Variants in RPTOR observed in about 807,000 individuals in gnomAD.
The protein encoded by RPTOR is regulatory-associated protein of mTOR.
In RPTOR, 21 loss-of-function variants were observed where a neutral mutation model predicts 169.9. The ratio of observed to expected loss-of-function variants is 0.12; its 90% confidence interval spans 0.09 to 0.18. RPTOR has a LOEUF of 0.18. RPTOR is among the 10% of genes least tolerant of loss of function. The probability of loss-of-function intolerance (pLI) is 1.00; values close to 1 mark genes in which losing one functional copy is unlikely to be tolerated. For missense variants in RPTOR, 1,133 were observed against 1,855.9 expected, an observed-to-expected ratio of 0.61 and a Z score of 7.16; for synonymous variants, 732 against 753.2, an observed-to-expected ratio of 0.97 and a Z score of 0.46.
At chr17:80,761,022 T>C (rs2066732017) in intron 6 of RPTOR, among the ~76,000 whole-genome samples, 1 of 152,252 alleles carries the variant, frequency 6.6e-6, no homozygotes, top group Admixed American at 6.5e-5. Flanking sequence ...TTTTTCATTT[T>C]TGGAAACTGA....
chr17:80,546,705 T>C (rs574689371), intron 1 of RPTOR, among the ~76,000 whole-genome samples: 1 of 152,336 alleles, frequency 6.6e-6, no homozygotes, highest in African/African-American at 2.4e-5. Flanking sequence ...TAGGCTTATG[T>C]ATATGTTTAT....
At chr17:80,945,424 C>T (rs1298634224) in intron 25 of RPTOR, 2 of 324,774 alleles carry the variant, frequency 6.2e-6, no homozygotes, top group Non-Finnish European at 1.1e-5. Flanking sequence ...AACCCCATCT[C>T]TACTAAAAAT....
chr17:80,838,034 G>A (rs750995278), intron 10 of RPTOR, 37 bp downstream of exon 10: 27 of 1,556,828 alleles, frequency 1.7e-5, no homozygotes, highest in African/African-American at 5.4e-5. Flanking sequence ...CATCCGCGGC[G>A]GCAGCCACTT....
chr17:80,649,071 G>A (rs1020789655), intron 3 of RPTOR, among the ~76,000 whole-genome samples: 5 of 152,190 alleles, frequency 3.3e-5, no homozygotes, highest in African/African-American at 1.2e-4. Flanking sequence ...ATGAAAATGG[G>A]CTAATACAGA....
chr17:80,549,358 A>G (rs1325348568), intron 1 of RPTOR, among the ~76,000 whole-genome samples: 2 of 152,136 alleles, frequency 1.3e-5, no homozygotes, highest in Non-Finnish European at 2.9e-5. Context: ...ATACGTATAT[A>G]TCTCCCCTAT....
At position 80,845,971 on chromosome 17, in the gene RPTOR, C is replaced by A. The variant is rs2067724927; in HGVS notation, c.1213-502C>A. Among the ~76,000 whole-genome samples, 1 of 152,122 alleles carries A rather than the reference C, an allele frequency of 6.6e-6. No individual in the cohort carries two copies. The highest frequency in any genetic ancestry group is 6.5e-5 in the Admixed American group (1 of 15,276). On this transcript the variant is annotated intron_variant, in intron 10 of 33. Transcript: ENST00000306801. This position sits in a 1 kb window ranked among gnomAD's most constrained non-coding sequence, Gnocchi z 5.4. ...CGGGCCCTCACCGGCCCCAGCGCGG[C>A]CCCAGCTCATCTCCTTGGTCTCCAT...
intron 1 of RPTOR, among the ~76,000 whole-genome samples, chr17:80,565,270 T>C (rs759526851): frequency 6.6e-6 from 1 of 152,236 alleles, no homozygotes; most frequent in Non-Finnish European, 1.5e-5. Context: ...GAGAGTCTTT[T>C]TGTAACTGTT....
Position 80,844,644 on chromosome 17 carries a change from A to G in RPTOR, c.1213-1829A>G, listed in dbSNP as rs2067706212. Among the ~76,000 whole-genome samples the G allele has an allele frequency of 6.6e-6, 1 of 152,232 alleles. No homozygotes were observed. Among genetic ancestry groups the G allele is most frequent in the South Asian group, 2.1e-4 (1 of 4,838 alleles). ...GTAAGCTGGCTGCACAGGAGCACGG[A>G]TTCCTACGTGGTGAATGTTCTCGGC... On this transcript the variant is annotated intron_variant, in intron 10 of 33. Coordinates refer to ENST00000306801, the MANE Select transcript of RPTOR (RefSeq NM_020761.3). The surrounding 1 kb of genome is among the most constrained non-coding windows in gnomAD (Gnocchi z 4.7).
At chr17:80,790,985 C>T (rs2067042046) in intron 6 of RPTOR, among the ~76,000 whole-genome samples, 1 of 152,102 alleles carries the variant, frequency 6.6e-6, no homozygotes. Flanking sequence ...CCAGCTCTGA[C>T]CTGTAGGATT....
chr17:80,743,910 G>C (rs1348273878), intron 5 of RPTOR, among the ~76,000 whole-genome samples: 1 of 83,246 alleles, frequency 1.2e-5, no homozygotes, highest in African/African-American at 5.7e-5. Context: ...TACGAGCACA[G>C]CCCTGGTTAC....
At chr17:80,690,342 T>TACACACACACACAC (rs56006985) in intron 3 of RPTOR, among the ~76,000 whole-genome samples, 1 of 145,330 alleles carries the variant, frequency 6.9e-6, no homozygotes, top group Non-Finnish European at 1.5e-5. Flanking sequence ...CACACACACA[T>TACACACACACACAC]ACACACACAC....
chr17:80,548,400 A>C (rs1459010074), intron 1 of RPTOR, among the ~76,000 whole-genome samples: 2 of 42,056 alleles, frequency 4.8e-5, no homozygotes, highest in South Asian at 6.9e-4. Context: ...TTTTTTTTTG[A>C]GATGGAGTTT....
At chr17:80,556,781 A>AT (rs900488236) in intron 1 of RPTOR, among the ~76,000 whole-genome samples, 15 of 89,482 alleles carry the variant, frequency 1.7e-4, no homozygotes, top group African/African-American at 5.1e-4. Context: ...ATCTACCCAG[A>AT]TTAAAAAAAA....
chr17:80,774,731 G>A (rs951558393), intron 6 of RPTOR, among the ~76,000 whole-genome samples: 2 of 152,128 alleles, frequency 1.3e-5, no homozygotes, highest in African/African-American at 4.8e-5. Flanking sequence ...CTGGGAAGCT[G>A]TGCAAAGTAG....
At chr17:80,766,526 G>A (rs1013586946) in intron 6 of RPTOR, among the ~76,000 whole-genome samples, 7 of 152,152 alleles carry the variant, frequency 4.6e-5, no homozygotes, top group African/African-American at 1.2e-4. Flanking sequence ...CAGCATGTGC[G>A]TTTTCACACT....
At position 80,633,076 on chromosome 17, in the gene RPTOR, G is replaced by T. The variant is rs573430138; in HGVS notation, c.265+7283G>T. Among the ~76,000 whole-genome samples, 1 of 152,112 alleles carries T rather than the reference G, an allele frequency of 6.6e-6. No homozygotes were observed. The highest frequency in any genetic ancestry group is 1.5e-5 in the Non-Finnish European group (1 of 68,028). On this transcript the variant is annotated intron_variant, in intron 2 of 33. Transcript: ENST00000306801. This position sits in a 1 kb window ranked among gnomAD's most constrained non-coding sequence, Gnocchi z 4.1. ...GCCTCTTAAAGTGTTGAAATGACCG[G>T]CATGAGCTACCACACTAGGCCCATT...
chr17:80,828,454 G>A (rs771227712), intron 9 of RPTOR, among the ~76,000 whole-genome samples: 6 of 152,326 alleles, frequency 3.9e-5, no homozygotes, highest in African/African-American at 9.6e-5. Flanking sequence ...GATCCGAGTC[G>A]TCTTGGTGAC....
intron 25 of RPTOR, chr17:80,942,057 G>T (rs956593829): frequency 6.6e-6 from 1 of 152,346 alleles, no homozygotes; most frequent in South Asian, 2.1e-4. Flanking sequence ...GTTGCAATCC[G>T]GTGCGTGCTG....
intron 4 of RPTOR, among the ~76,000 whole-genome samples, chr17:80,725,124 A>T (rs1261226269): frequency 6.6e-6 from 1 of 152,182 alleles, no homozygotes; most frequent in Admixed American, 6.5e-5. Context: ...TGAGATGTAG[A>T]ATTGTGGGAA....
Sources: allele counts gnomAD v4.1 joint callset (sites outside exome capture counted in the v4.1 genomes callset), GRCh38; gene constraint gnomAD v4.1.1; non-coding constraint Gnocchi (gnomAD v3.1); transcripts MANE v1.5; gene names NCBI Gene and HGNC (gene_info 2026-07-23, HGNC 2026-07-21).